ABHD12: variants seen among roughly 807,000 people sequenced by gnomAD.
ABHD12 encodes abhydrolase domain containing 12, lysophospholipase.
Under a neutral mutation model 58.3 loss-of-function variants are expected in ABHD12, and 43 were observed. That is an observed-to-expected ratio of 0.74 (90% CI 0.58 to 0.95). ABHD12 has a LOEUF of 0.95. Ranked by LOEUF, ABHD12 falls within the 40% of genes least tolerant of loss-of-function variation. ABHD12 has a pLI of 0.00. For missense variants in ABHD12, 539 were observed against 537.2 expected (o/e 1.00, Z -0.03); for synonymous variants, 219 against 211.2 (o/e 1.04, Z -0.32).
Position 25,300,890 on chromosome 20 carries a change from C to A in ABHD12, c.1158-6G>T, listed in dbSNP as rs1306662635. 2.5e-6 allele frequency: 4 copies of A among 1,613,678 alleles called. No individual in the cohort carries two copies. Among genetic ancestry groups the A allele is most frequent in the African/African-American group, 1.3e-5 (1 of 74,916 alleles). On this transcript the variant is annotated splice_region_variant and splice_polypyrimidine_tract_variant and intron_variant, in intron 12 of 12. Coordinates refer to ENST00000339157, the MANE Select transcript of ABHD12 (RefSeq NM_001042472.3). ...CCGACTTCCCCAGGAATTCCCTAGA[C>A]CACAGGACAATCAGGAGCCAATCAT... is the stretch of plus-strand genomic sequence containing the variant.
chr20:25,316,439 G>A (rs1048758202), intron 5 of ABHD12, among the ~76,000 whole-genome samples: 1 of 152,172 alleles, frequency 6.6e-6, no homozygotes, highest in Non-Finnish European at 1.5e-5. Context: ...GATTACAGGC[G>A]TGAGCCACCA....
At chr20:25,356,872 G>A (rs1184290559) in intron 1 of ABHD12, among the ~76,000 whole-genome samples, 4 of 152,136 alleles carry the variant, frequency 2.6e-5, no homozygotes, top group Non-Finnish European at 4.4e-5. Context: ...CACAGTGCAC[G>A]CACCTGTAAT....
chr20:25,322,542 G>C (rs2145977883), intron 3 of ABHD12, among the ~76,000 whole-genome samples: 1 of 150,494 alleles, frequency 6.6e-6, no homozygotes, highest in East Asian at 1.9e-4. Flanking sequence ...ACCATGCCCA[G>C]CTAATTTTTG....
At chr20:25,362,593 C>G (rs1480317283) in intron 1 of ABHD12, among the ~76,000 whole-genome samples, 3 of 21,570 alleles carry the variant, frequency 1.4e-4, no homozygotes, top group Non-Finnish European at 1.7e-4. Flanking sequence ...CAGGGGAGGA[C>G]AGGGGAGGGG....
intron 1 of ABHD12, among the ~76,000 whole-genome samples, chr20:25,344,460 C>A (rs2089493144): frequency 6.6e-6 from 1 of 152,098 alleles, no homozygotes; most frequent in South Asian, 2.1e-4. Context: ...TACTTAGATA[C>A]AAATCTAACA....
Position 25,323,428 on chromosome 20 carries a change from T to G in ABHD12, c.319A>C (p.Arg107=). ...TTCAAATCAATGAAATAGGGAACTC[T>G]TACTGTAGGAAATAAAGAGATGGAA... The part of the protein sequence containing the change: ...QAKLIFLNFV[R]VPYFIDLKKP... The change falls in exon 3 of 13, where the codon AGA becomes CGA. Residue 107 remains arginine (R), a splice_region_variant and synonymous_variant. Transcript: ENST00000339157. 6.3e-7 allele frequency: 1 copy of G among 1,591,290 alleles called. No individual in the cohort carries two copies. The highest frequency in any genetic ancestry group is 8.6e-7 in the Non-Finnish European group (1 of 1,159,244).
In ABHD12 at chr20:25,337,412, G is replaced by C. The variant is rs2089389913; in HGVS notation, c.316+1815C>G. On this transcript the variant is annotated intron_variant, in intron 2 of 12. Coordinates refer to ENST00000339157, the MANE Select transcript of ABHD12 (RefSeq NM_001042472.3). ...CCCAAGCCCAGCCCTCCTCTCCCAT[G>C]CCATGGGGCTGGACCAGGAGAACCC... Among the ~76,000 whole-genome samples the C allele has an allele frequency of 2.0e-5, 3 of 152,250 alleles. No homozygotes were observed. The South Asian group carries it at 6.2e-4, about 31-fold the overall frequency.
intron 1 of ABHD12, among the ~76,000 whole-genome samples, chr20:25,379,295 C>T (rs554912474): frequency 4.4e-4 from 67 of 152,270 alleles, no homozygotes; most frequent in African/African-American, 1.5e-3. Flanking sequence ...GTCAGAAAGA[C>T]GATATGAGAG....
exon 13 of ABHD12, chr20:25,294,965 G>C: frequency 6.2e-7 from 1 of 1,614,122 alleles, no homozygotes; most frequent in Non-Finnish European, 8.5e-7. Context: ...GTCACCTGTT[G>C]GCTTCAGTCA....
At chr20:25,333,176 CA>C (rs1375240228) in intron 2 of ABHD12, among the ~76,000 whole-genome samples, 1 of 93,798 alleles carries the variant, frequency 1.1e-5, no homozygotes, top group African/African-American at 3.6e-5. Flanking sequence ...ACATTACAAA[CA>C]CCTCTATGAA....
intron 1 of ABHD12, among the ~76,000 whole-genome samples, chr20:25,386,111 T>C (rs954544907): frequency 1.9e-4 from 29 of 150,334 alleles, no homozygotes; most frequent in African/African-American, 6.9e-4. Flanking sequence ...AAAAAAATAA[T>C]AATAATAATA....
intron 2 of ABHD12, among the ~76,000 whole-genome samples, chr20:25,334,697 A>C (rs543442657): frequency 4.6e-5 from 7 of 151,520 alleles, no homozygotes; most frequent in Non-Finnish European, 7.4e-5. Flanking sequence ...AAAAACAAGC[A>C]ATGGGGAAAG....
chr20:25,383,954 C>CAA (rs1201588127), intron 1 of ABHD12, among the ~76,000 whole-genome samples: 4,441 of 53,148 alleles, frequency 0.084, 295 homozygotes, highest in Non-Finnish European at 0.14. Flanking sequence ...GACTCTTTCT[C>CAA]AAAAAAAAAA....
intron 8 of ABHD12, 77 bp downstream of exon 8, chr20:25,308,380 A>G: frequency 1.3e-6 from 2 of 1,548,332 alleles, no homozygotes; most frequent in Non-Finnish European, 8.8e-7. Flanking sequence ...GAGGACGCTG[A>G]GCACTTGCAG....
At chr20:25,356,581 C>G (rs2089670883) in intron 1 of ABHD12, among the ~76,000 whole-genome samples, 1 of 152,244 alleles carries the variant, frequency 6.6e-6, no homozygotes, top group Admixed American at 6.5e-5. Context: ...CTCCTACTGT[C>G]CAGGGTAACT....
chr20:25,313,824 T>G (rs1269468880), intron 6 of ABHD12, among the ~76,000 whole-genome samples: 2 of 152,044 alleles, frequency 1.3e-5, no homozygotes, highest in Non-Finnish European at 2.9e-5. Flanking sequence ...AGTCGCTCAT[T>G]GTTAACACCA....
chr20:25,375,019 G>A (rs977871060), intron 1 of ABHD12, among the ~76,000 whole-genome samples: 1 of 152,158 alleles, frequency 6.6e-6, no homozygotes, highest in Non-Finnish European at 1.5e-5. Flanking sequence ...TCTTAAGGAG[G>A]TAATTATGCT....
chr20:25,375,679 C>T (rs147994457), intron 1 of ABHD12, among the ~76,000 whole-genome samples: 1,905 of 152,270 alleles, frequency 0.013, 42 homozygotes, highest in African/African-American at 0.041. Context: ...GTCACTTCTC[C>T]GAGTTTACTG....
At chr20:25,384,011 G>A (rs1411535851) in intron 1 of ABHD12, among the ~76,000 whole-genome samples, 3 of 148,854 alleles carry the variant, frequency 2.0e-5, no homozygotes, top group Admixed American at 6.7e-5. Flanking sequence ...GCATGGTGGC[G>A]GGCGCCCATA....
Sources: allele counts gnomAD v4.1 joint callset (sites outside exome capture counted in the v4.1 genomes callset), GRCh38; gene constraint gnomAD v4.1.1; transcripts MANE v1.5; gene names NCBI Gene and HGNC (gene_info 2026-07-23, HGNC 2026-07-21).